CCDC88C: variants seen among roughly 807,000 people sequenced by gnomAD.
The protein encoded by CCDC88C is protein Daple.
CCDC88C carries 131 observed loss-of-function variants against 198.8 expected under a neutral mutation model. The ratio of observed to expected loss-of-function variants is 0.66; its 90% confidence interval spans 0.57 to 0.76. CCDC88C has a LOEUF of 0.76. Among genes scored for constraint, CCDC88C ranks in the 30% least tolerant of loss-of-function variants. The pLI is 0.00. For synonymous variants in CCDC88C, 1,166 were observed against 1,114.7 expected (o/e 1.05, Z -0.92); for missense variants, 2,553 against 2,631.6 (o/e 0.97, Z 0.65).
In CCDC88C at chr14:91,272,923, G is replaced by A. The variant is rs980123863; in HGVS notation, c.5789C>T (p.Ser1930Leu). The A allele has an allele frequency of 1.3e-6, 2 of 1,571,762 alleles. No homozygotes were observed. Among genetic ancestry groups the A allele is most frequent in the Non-Finnish European group, 1.7e-6 (2 of 1,163,346 alleles). ...CCTGGCAGCCGGGGCTGCAGCAGGTGAGAAGTGCAGGAGCTGGGAGTTGCT... is the reference window on the plus strand; with the variant it reads ...CCTGGCAGCCGGGGCTGCAGCAGGTAAGAAGTGCAGGAGCTGGGAGTTGCT... ...SGSNSQLLHF[S>L]PAAAPAARTK... Residue 1930 changes from serine to leucine, a missense_variant, in exon 30 of 30, where the codon TCA becomes TTA. Around this residue, in one of 2 missense-constraint regions of CCDC88C, gnomAD observed 1,293 missense variants for 1,219.6 expected, o/e 1.06. Coordinates refer to ENST00000389857, the MANE Select transcript of CCDC88C (RefSeq NM_001080414.4).
chr14:91,331,398 G>A lies in CCDC88C; in HGVS notation c.1051-5342C>T, dbSNP rs548164353. On this transcript the variant is annotated intron_variant, in intron 10 of 29. Transcript: ENST00000389857. ...TGTTGCCTGGGGCCAGAGGAGGGTG[G>A]AGGAGGGCAGAGGAGCTGGGGCCCT... 2.2e-4 allele frequency among the ~76,000 whole-genome samples: 34 copies of A among 152,312 alleles called. No individual in the cohort carries two copies. The East Asian group carries it at 4.1e-3, about 18-fold the overall frequency.
chr14:91,290,266 C>T (rs542492694), intron 24 of CCDC88C, among the ~76,000 whole-genome samples: 3 of 152,286 alleles, frequency 2.0e-5, no homozygotes, highest in South Asian at 2.1e-4. Flanking sequence ...AGCGAGACTC[C>T]GTCTCAAAAC....
At position 91,281,467 on chromosome 14, in the gene CCDC88C, G is replaced by A. The variant is rs773950992; in HGVS notation, c.4689C>T (p.His1563=). The A allele has an allele frequency of 1.1e-5, 17 of 1,613,846 alleles. No individual in the cohort carries two copies. The Admixed American group carries it at 1.3e-4, about 13-fold the overall frequency. ...ACCCTCCCTACTCACCGTACTGCCT[G>A]TGGTTGGGGACCTCAAACTCCAGGG... ...EPSLEFEVPN[H]RQYVSRPSSL... is the part of the protein sequence containing the mutation. The change falls in exon 27 of 30, where the codon CAC becomes CAT. Residue 1563 remains histidine, a synonymous_variant. Transcript: ENST00000389857.
Position 91,313,016 on chromosome 14 carries a change from G to C in CCDC88C, c.2736+64C>G. On this transcript the variant is annotated intron_variant, in intron 15 of 29. Transcript: ENST00000389857. This position sits in a 1 kb window ranked among gnomAD's most constrained non-coding sequence, Gnocchi z 5.2. ...AGTCTTATTTCTCTCCTGAAACCAT[G>C]CACCACAGAACCCACTACCACCATC... 8.0e-7 allele frequency: 1 copy of C among 1,242,988 alleles called. No homozygotes were observed. 77.0% of individuals were successfully genotyped at this position (1,242,988 alleles called of 1,614,324 possible).
Position 91,339,462 on chromosome 14 carries a change from G to C in CCDC88C, c.625C>G (p.Leu209Val), listed in dbSNP as rs755699937. 6.2e-7 allele frequency: 1 copy of C among 1,602,138 alleles called. No homozygotes were observed. The highest frequency in any genetic ancestry group is 1.1e-5 in the South Asian group (1 of 90,430). ...CGTTCCTGAGTGAGGTCCACGATCAGCTGCAGCCGGGCAGAGAGGGGGATG... is the reference window on the plus strand; with the variant it reads ...CGTTCCTGAGTGAGGTCCACGATCACCTGCAGCCGGGCAGAGAGGGGGATG... ...LIDQRDECTE[L>V]IVDLTQERDY... The change falls in exon 8 of 30, where the codon CTG becomes GTG. Residue 209 changes from leucine (L) to valine (V), a missense_variant and splice_region_variant. By Grantham distance (32) the Leu-to-Val change is conservative. Coordinates refer to ENST00000389857, the MANE Select transcript of CCDC88C (RefSeq NM_001080414.4). The surrounding 1 kb of genome is among the most constrained non-coding windows in gnomAD (Gnocchi z 5.8).
intron 6 of CCDC88C, 106 bp downstream of exon 6, chr14:91,342,273 TG>T: frequency 1.5e-6 from 1 of 648,960 alleles, no homozygotes; most frequent in South Asian, 1.9e-5. Context: ...AAAATCGTAA[TG>T]GGTGATGTAT....
In CCDC88C at chr14:91,321,183, C is replaced by T; in HGVS notation, c.1464G>A (p.Val488=). 3 of 1,613,170 alleles carry T rather than the reference C, an allele frequency of 1.9e-6. No individual in the cohort carries two copies. Among genetic ancestry groups the T allele is most frequent in the East Asian group, 4.5e-5 (2 of 44,870 alleles). The part of the protein sequence containing the change: ...TIQGLRDASL[V]LEESGLKCGE... ...CGCACTTGAGGCCGCTCTCCTCCAA[C>T]ACCAGGGACGCGTCCCGCAGCCCCT... The change falls in exon 13 of 30, where the codon GTG becomes GTA. Residue 488 remains valine, a synonymous_variant. Coordinates refer to ENST00000389857, the MANE Select transcript of CCDC88C (RefSeq NM_001080414.4).
In CCDC88C at chr14:91,299,918, G is replaced by A. The variant is rs774262235; in HGVS notation, c.3779+9C>T. ...GCTGCTATGTGCAGGGCCGGGCGCC[G>A]GCGCTCACCTGTCCAGCTCGCCCCG... On this transcript the variant is annotated intron_variant, in intron 21 of 29. Coordinates refer to ENST00000389857, the MANE Select transcript of CCDC88C (RefSeq NM_001080414.4). 6.5e-5 allele frequency: 102 copies of A among 1,577,540 alleles called. 1 individual carries two copies. The highest frequency in any genetic ancestry group is 2.1e-4 in the Admixed American group (12 of 56,256).
intron 26 of CCDC88C, among the ~76,000 whole-genome samples, chr14:91,282,846 G>C (rs935158553): frequency 6.6e-6 from 1 of 152,202 alleles, no homozygotes; most frequent in Non-Finnish European, 1.5e-5. Flanking sequence ...AGCATTGCTT[G>C]AGGCCAGGAG....
chr14:91,295,035 A>G (rs375327736), intron 22 of CCDC88C, among the ~76,000 whole-genome samples: 1 of 152,180 alleles, frequency 6.6e-6, no homozygotes. Context: ...CCAATACGCG[A>G]CTATGAGAAA....
intron 12 of CCDC88C, among the ~76,000 whole-genome samples, chr14:91,323,585 G>C (rs1776109761): frequency 6.6e-6 from 1 of 152,184 alleles, no homozygotes; most frequent in Admixed American, 6.5e-5. Context: ...CCAGCTCCTA[G>C]CTAGGCACTA....
chr14:91,283,389 C>T lies in CCDC88C; in HGVS notation c.4570G>A (p.Ala1524Thr). ...GAGTTGGAAGGGGCTGTAGTGGTGGCTGAAGTTGAGCAAGTCCGGGAGCCC... is the reference window on the plus strand; with the variant it reads ...GAGTTGGAAGGGGCTGTAGTGGTGGTTGAAGTTGAGCAAGTCCGGGAGCCC... ...ELGSRTCSTSATTTAPSNSTP... is the reference protein window; with the variant it reads ...ELGSRTCSTSTTTTAPSNSTP... Residue 1524 changes from alanine to threonine, a missense_variant, in exon 26 of 30, where the codon GCC becomes ACC. By Grantham distance (58) the Ala-to-Thr change is moderately conservative (BLOSUM62 0). This residue lies in a region of CCDC88C where 1,293 missense variants were observed against 1,219.6 expected (regional missense o/e 1.06). Transcript: ENST00000389857. The T allele has an allele frequency of 1.2e-6, 2 of 1,613,726 alleles. No individual in the cohort carries two copies. The highest frequency in any genetic ancestry group is 1.7e-6 in the Non-Finnish European group (2 of 1,179,824).
chr14:91,279,170 T>C, intron 28 of CCDC88C, 68 bp downstream of exon 28: 1 of 1,343,202 alleles, frequency 7.4e-7, no homozygotes, highest in South Asian at 1.3e-5. Context: ...AAAGTGCTGA[T>C]TATAGGCATG....
chr14:91,368,869 A>G lies in CCDC88C; in HGVS notation c.271-9158T>C, dbSNP rs1041865318. Among the ~76,000 whole-genome samples, 117 of 152,206 alleles carry G rather than the reference A, an allele frequency of 7.7e-4. 1 individual carries two copies. The highest frequency in any genetic ancestry group is 2.5e-4 in the Non-Finnish European group (17 of 68,038). ...AATGCACCTCAACAACTTGATGGCC[A>G]AAACAAAAACCACCTGACGACCTGG... On this transcript the variant is annotated intron_variant, in intron 3 of 29. Transcript: ENST00000389857.
intron 3 of CCDC88C, 141 bp from the exon 4 acceptor site, chr14:91,359,852 A>G (rs1308966047): frequency 1.8e-5 from 13 of 716,220 alleles, no homozygotes; most frequent in Non-Finnish European, 3.0e-5. Flanking sequence ...AAATGACAGC[A>G]AGGAGCACGT....
intron 23 of CCDC88C, among the ~76,000 whole-genome samples, chr14:91,293,551 T>C (rs74086362): frequency 0.26 from 1,540 of 5,816 alleles, 198 homozygotes; most frequent in African/African-American, 0.37. Context: ...CACCTTCCTG[T>C]CCCCTCGCCT....
At position 91,415,580 on chromosome 14, in the gene CCDC88C, C is replaced by T. The variant is rs977409176; in HGVS notation, c.161+1158G>A. Among the ~76,000 whole-genome samples the T allele has an allele frequency of 5.3e-5, 8 of 152,018 alleles. No individual in the cohort carries two copies. The East Asian group carries it at 5.8e-4, about 11-fold the overall frequency. ...TACTAAAAATACAAAATTAGCCGGGCGTGGTGGCGCATGCCTGCAATCCCA... is the reference window on the plus strand; with the variant it reads ...TACTAAAAATACAAAATTAGCCGGGTGTGGTGGCGCATGCCTGCAATCCCA... On this transcript the variant is annotated intron_variant, in intron 2 of 29. Coordinates refer to ENST00000389857, the MANE Select transcript of CCDC88C (RefSeq NM_001080414.4).
At chr14:91,392,110 CCCATGGCCA>C (rs1468256727) in intron 3 of CCDC88C, among the ~76,000 whole-genome samples, 20 of 152,178 alleles carry the variant, frequency 1.3e-4, no homozygotes, top group African/African-American at 4.6e-4. Context: ...GGTAGCAGCT[CCCATGGCCA>C]CCATGACAGC....
chr14:91,397,775 G>T (rs1033495139), intron 3 of CCDC88C, among the ~76,000 whole-genome samples: 31 of 152,296 alleles, frequency 2.0e-4, no homozygotes, highest in South Asian at 4.1e-4. Context: ...CCCAGCTGGG[G>T]GGCACACCAC....
Sources: gnomAD v4.1 joint callset for allele counts (sites outside exome capture counted in the v4.1 genomes callset) on GRCh38, gnomAD v4.1.1 for gene constraint, gnomAD v4.1.1 regional missense constraint, Gnocchi (gnomAD v3.1) non-coding constraint, MANE v1.5 for transcripts, NCBI Gene and HGNC (gene_info 2026-07-23, HGNC 2026-07-21) for gene names.